CHID1: variants seen among roughly 807,000 people sequenced by gnomAD.
CHID1 encodes chitinase domain-containing protein 1.
A neutral mutation model predicts 55.4 loss-of-function variants in CHID1; 44 were observed. The observed-to-expected ratio is 0.79, with a 90% CI of 0.62 to 1.02. The LOEUF (loss-of-function observed/expected upper bound fraction) is 1.02, where lower values mean the gene tolerates loss of function less well. CHID1 is among the 50% of genes least tolerant of loss of function. The probability of loss-of-function intolerance (pLI) is 0.00; values close to 1 mark genes in which losing one functional copy is unlikely to be tolerated. For missense variants in CHID1, 491 were observed against 515.3 expected (o/e 0.95, Z 0.46); for synonymous variants, 216 against 212.9 (o/e 1.01, Z -0.13).
chr11:871,396 G>C (rs1366961677), intron 10 of CHID1, among the ~76,000 whole-genome samples: 1 of 152,134 alleles, frequency 6.6e-6, no homozygotes, highest in Non-Finnish European at 1.5e-5. Flanking sequence ...AGTGGTTTGA[G>C]AACCACCCCC....
upstream of CHID1, chr11:910,937 T>TCTGGGCCGGGGC (rs1555020053): frequency 5.1e-6 from 3 of 592,170 alleles, no homozygotes; most frequent in African/African-American, 6.4e-5. Flanking sequence ...TGCCCGAAAG[T>TCTGGGCCGGGGC]CGGGGCCGGG....
At chr11:915,083 C>G (rs1168182958), upstream of CHID1, 2 of 154,364 alleles carry the variant, frequency 1.3e-5, no homozygotes, top group Non-Finnish European at 2.9e-5. Context: ...TAGCCCTCCC[C>G]ACCTGTGGAC....
At chr11:886,362 G>C (rs570601519) in intron 8 of CHID1, among the ~76,000 whole-genome samples, 4 of 151,552 alleles carry the variant, frequency 2.6e-5, no homozygotes, top group Non-Finnish European at 4.4e-5. Context: ...GGGGGGCTGA[G>C]GTGGGAGGAT....
chr11:870,378 C>A, intron 11 of CHID1, 41 bp downstream of exon 11: 1 of 1,539,248 alleles, frequency 6.5e-7, no homozygotes, highest in Non-Finnish European at 8.9e-7. Flanking sequence ...CCCCTCCCTG[C>A]ACACAAGGCC....
chr11:899,390 G>A lies in CHID1; in HGVS notation c.558C>T (p.Phe186=), dbSNP rs535895676. ...TVVQVAKNQH[F]DGFVVEVWNQ... Reference sequence around the variant, plus strand: ...TCCAGACCTCCACCACGAAGCCATCGAAATGCTGGTTCTGAAAGAAGCAGT... The same window carrying A: ...TCCAGACCTCCACCACGAAGCCATCAAAATGCTGGTTCTGAAAGAAGCAGT... The change falls in exon 7 of 13, where the codon TTC becomes TTT. Residue 186 remains phenylalanine, a synonymous_variant. Coordinates refer to ENST00000323578, the MANE Select transcript of CHID1 (RefSeq NM_023947.4). 13 of 1,602,496 alleles carry A rather than the reference G, an allele frequency of 8.1e-6. No homozygotes were observed. The African/African-American group carries it at 1.1e-4, about 13-fold the overall frequency.
rs1051277546 is a variant in CHID1, at chr11:869,833, C to T, written c.*25G>A. 1 of 1,597,448 alleles carries T rather than the reference C, an allele frequency of 6.3e-7. No homozygotes were observed. Among genetic ancestry groups the T allele is most frequent in the Non-Finnish European group, 8.6e-7 (1 of 1,165,740 alleles). On this transcript the variant is annotated 3_prime_UTR_variant, in exon 13 of 13. Transcript: ENST00000323578. ...CTCCATGGCTTAGAAAAGAACACGT[C>T]CACCGCGGAGGCCGCAATGCCCACC...
chr11:884,528 G>A (rs1033355873), intron 8 of CHID1, among the ~76,000 whole-genome samples: 3 of 152,186 alleles, frequency 2.0e-5, no homozygotes, highest in African/African-American at 7.2e-5. Context: ...TGAGATGGAG[G>A]TGACTGATCC....
At chr11:909,006 C>T (rs905853661) in intron 1 of CHID1, among the ~76,000 whole-genome samples, 7 of 152,248 alleles carry the variant, frequency 4.6e-5, no homozygotes, top group African/African-American at 1.2e-4. Flanking sequence ...TTAACTTGCC[C>T]GCTCTGTGAT....
At chr11:904,663 C>A (rs769800702) in intron 2 of CHID1, 43 bp downstream of exon 2, 102 of 1,610,248 alleles carry the variant, frequency 6.3e-5, no homozygotes, top group Non-Finnish European at 8.6e-5. Context: ...ATGGATCAGC[C>A]CTCAGCCAGT....
upstream of CHID1, chr11:914,721 CAAA>C (rs367978475): frequency 1.4e-3 from 408 of 282,150 alleles, no homozygotes; most frequent in East Asian, 2.5e-3. Flanking sequence ...GACCCTGTCT[CAAA>C]AAAAAAAAAA....
At chr11:911,758 A>T (rs78322288), upstream of CHID1, among the ~76,000 whole-genome samples, 1,906 of 152,238 alleles carry the variant, frequency 0.013, 165 homozygotes, top group East Asian at 0.21. Flanking sequence ...ATGCGGTGCG[A>T]GGCACGTCCC....
In CHID1 at chr11:890,716, G is replaced by A. The variant is rs573918115; in HGVS notation, c.701+2711C>T. Among the ~76,000 whole-genome samples, 15 of 152,316 alleles carry A rather than the reference G, an allele frequency of 9.8e-5. No individual in the cohort carries two copies. The South Asian group carries it at 2.3e-3, about 23-fold the overall frequency. Reference sequence around the variant, plus strand: ...GGTCCCACTGGCCTGTGGGGTTTACGCTGTGGCTTTGCCCCTGGGTCTCCT... The same window carrying A: ...GGTCCCACTGGCCTGTGGGGTTTACACTGTGGCTTTGCCCCTGGGTCTCCT... On this transcript the variant is annotated intron_variant, in intron 8 of 12. Transcript: ENST00000323578.
intron 1 of CHID1, among the ~76,000 whole-genome samples, chr11:910,169 C>A (rs750059868): frequency 6.6e-6 from 1 of 151,634 alleles, no homozygotes; most frequent in Non-Finnish European, 1.5e-5. Flanking sequence ...GACGGGCGGG[C>A]GGGTCACCCT....
At chr11:911,330 T>G (rs1469807563), upstream of CHID1, 1 of 151,908 alleles carries the variant, frequency 6.6e-6, no homozygotes, top group Non-Finnish European at 1.5e-5. Flanking sequence ...AAACGCGCGC[T>G]CTCTCGGTCC....
chr11:904,809 G>C lies in CHID1; in HGVS notation c.8C>G (p.Thr3Arg), dbSNP rs549420384. ...GGCAAGCCAGAGGAGGTTGAAGAGTGTCCGCATGGTAGGTGTGTCACAGTA... is the reference window on the plus strand; with the variant it reads ...GGCAAGCCAGAGGAGGTTGAAGAGTCTCCGCATGGTAGGTGTGTCACAGTA... MR[T>R]LFNLLWLALA... is the part of the protein sequence containing the mutation. Residue 3 changes from threonine (T) to arginine (R), a missense_variant, in exon 2 of 13, where the codon ACA becomes AGA. Thr to Arg is a moderately conservative substitution (Grantham distance 71). Coordinates refer to ENST00000323578, the MANE Select transcript of CHID1 (RefSeq NM_023947.4). 6.2e-7 allele frequency: 1 copy of C among 1,613,922 alleles called. No individual in the cohort carries two copies. The highest frequency in any genetic ancestry group is 2.2e-5 in the East Asian group (1 of 44,890).
intron 10 of CHID1, among the ~76,000 whole-genome samples, chr11:876,204 C>T (rs1224283323): frequency 6.6e-6 from 1 of 152,184 alleles, no homozygotes; most frequent in Non-Finnish European, 1.5e-5. Flanking sequence ...AGAGCCCCAG[C>T]TTCTAGAACA....
chr11:904,701 C>T lies in CHID1; in HGVS notation c.111+5G>A, dbSNP rs1347319894. The T allele has an allele frequency of 1.9e-6, 3 of 1,614,112 alleles. No individual in the cohort carries two copies. Among genetic ancestry groups the T allele is most frequent in the Admixed American group, 3.3e-5 (2 of 60,026 alleles). ...AGTCACCTCAAGTCCCCAGGCCACC[C>T]TTACCTTCTCCAGCAGCGTCTTTGA... On this transcript the variant is annotated splice_donor_5th_base_variant and intron_variant, in intron 2 of 12. Coordinates refer to ENST00000323578, the MANE Select transcript of CHID1 (RefSeq NM_023947.4).
At position 908,992 on chromosome 11, in the gene CHID1, G is replaced by A. The variant is rs74045439; in HGVS notation, c.-44+1783C>T. 3.0e-3 allele frequency among the ~76,000 whole-genome samples: 461 copies of A among 152,348 alleles called. 3 individuals carry two copies. The highest frequency in any genetic ancestry group is 9.0e-3 in the African/African-American group (375 of 41,582). ...GCCAGGGTACTGCCTCTGTCCACTCGCGCTTAACTTGCCCGCTCTGTGATG... is the reference window on the plus strand; with the variant it reads ...GCCAGGGTACTGCCTCTGTCCACTCACGCTTAACTTGCCCGCTCTGTGATG... On this transcript the variant is annotated intron_variant, in intron 1 of 12. Transcript: ENST00000323578.
chr11:893,598 G>T, intron 7 of CHID1, 79 bp from the exon 8 acceptor site: 1 of 1,180,728 alleles, frequency 8.5e-7, no homozygotes, highest in Non-Finnish European at 1.2e-6. Context: ...CGCTGCCTCA[G>T]GGAGGGGTGG....
Sources: gnomAD v4.1 joint callset for allele counts (sites outside exome capture counted in the v4.1 genomes callset) on GRCh38, gnomAD v4.1.1 for gene constraint, MANE v1.5 for transcripts, NCBI Gene and HGNC (gene_info 2026-07-23, HGNC 2026-07-21) for gene names.